Variants in SOD3 observed in about 807,000 individuals in gnomAD.
SOD3 encodes the protein superoxide dismutase 3, also known as extracellular superoxide dismutase [Cu-Zn].
Under a neutral mutation model 2.6 loss-of-function variants are expected in SOD3, and 3 were observed. The observed-to-expected ratio is 1.13, with a 90% CI of 0.52 to 2.93. The LOEUF (loss-of-function observed/expected upper bound fraction) is 2.93. Among genes scored for constraint, SOD3 ranks in the 30% most tolerant of loss-of-function variants. The pLI, the probability that SOD3 is intolerant of heterozygous loss-of-function variation, is 0.04. For missense variants in SOD3, 379 were observed against 370.4 expected, an observed-to-expected ratio of 1.02 and a Z score of -0.19; for synonymous variants, 188 against 177.5, an observed-to-expected ratio of 1.06 and a Z score of -0.47.
In SOD3 at chr4:24,800,087, G is replaced by A. The variant is rs564062771; in HGVS notation, c.566G>A (p.Arg189His). ...CACGCTGGCGAGGACGACCTGGGCC[G>A]CGGCGGCAACCAGGCCAGCGTGGAG... ...VVHAGEDDLG[R>H]GGNQASVENG... Residue 189 changes from arginine (R) to histidine (H), a missense_variant, in exon 2 of 2, where the codon CGC (arginine) becomes CAC (histidine). Coordinates refer to ENST00000382120, the MANE Select transcript of SOD3 (RefSeq NM_003102.4). 7.1e-7 allele frequency: 1 copy of A among 1,404,318 alleles called. No individual in the cohort carries two copies. Among genetic ancestry groups the A allele is most frequent in the Non-Finnish European group, 9.2e-7 (1 of 1,090,552 alleles). The allele number at this position is 1,404,318 out of a possible 1,614,324, so 87.0% of individuals were successfully genotyped here. A position where few individuals can be genotyped will look rare whatever the true frequency, so the allele number is the denominator to read the frequency against.
At position 24,799,878 on chromosome 4, in the gene SOD3, G is replaced by A; in HGVS notation, c.357G>A (p.Gly119=). 6.2e-7 allele frequency: 1 copy of A among 1,602,672 alleles called. No homozygotes were observed. The highest frequency in any genetic ancestry group is 1.3e-5 in the African/African-American group (1 of 74,830). The part of the protein sequence containing the change: ...SSRAIHVHQF[G]DLSQGCESTG... The stretch of plus-strand genomic sequence containing the variant: ...GCGCCATCCACGTGCACCAGTTCGG[G>A]GACCTGAGCCAGGGCTGCGAGTCCA... Residue 119 remains glycine (G), a synonymous_variant, in exon 2 of 2, where the codon GGG becomes GGA. Transcript: ENST00000382120.
rs1452920720 is a variant in SOD3 at position 24,800,175 on chromosome 4, G to A, written c.654G>A (p.Trp218Ter). Residue 218 changes from tryptophan (W) to a stop codon, truncating the protein, a stop_gained, in exon 2 of 2, where the codon TGG becomes TGA. Transcript: ENST00000382120. LOFTEE classifies it high-confidence loss of function. ...CVVGVCGPGL[W>*]ERQAREHSER... ...TGGGCGTGTGCGGGCCCGGGCTCTG[G>A]GAGCGCCAGGCGCGGGAGCACTCAG... The A allele has an allele frequency of 7.0e-7, 1 of 1,421,788 alleles. No homozygotes were observed. Among genetic ancestry groups the A allele is most frequent in the Non-Finnish European group, 9.1e-7 (1 of 1,095,802 alleles). The allele number at this position is 1,421,788 out of a possible 1,614,324, so 88.1% of individuals were successfully genotyped here. A position where few individuals can be genotyped will look rare whatever the true frequency, so the allele number is the denominator to read the frequency against.
chr4:24,796,435 C>CT (rs34368349), intron 1 of SOD3, among the ~76,000 whole-genome samples: 15,868 of 71,830 alleles, frequency 0.22, 5,388 homozygotes, highest in Middle Eastern at 0.35. Flanking sequence ...TCCTTCTTCT[C>CT]TTTTTTTTTT....
In SOD3 at chr4:24,800,474, C is replaced by T. The variant is rs529568731; in HGVS notation, c.*230C>T. The T allele has an allele frequency of 2.1e-4, 85 of 396,472 alleles. No individual in the cohort carries two copies. The highest frequency in any genetic ancestry group is 1.6e-3 in the African/African-American group (75 of 47,766). The allele number at this position is 396,472 out of a possible 1,614,324, so 24.6% of individuals were successfully genotyped here. ...CCCCCCACTCAGTAGGTCTGAAGGC[C>T]TCCATTTGTACCGAAACACCCCGCT... On this transcript the variant is annotated 3_prime_UTR_variant, in exon 2 of 2. Transcript: ENST00000382120.
rs17882667 is a variant in SOD3 at position 24,799,530 on chromosome 4, G to T, written c.9G>T (p.Ala3=). ...GGTGCCCGACTCCAGCCATGCTGGCGCTACTGTGTTCCTGCCTGCTCCTGG... is the reference window on the plus strand; with the variant it reads ...GGTGCCCGACTCCAGCCATGCTGGCTCTACTGTGTTCCTGCCTGCTCCTGG... The part of the protein sequence containing the change: ML[A]LLCSCLLLAA... Residue 3 remains alanine (A), a synonymous_variant, in exon 2 of 2, where the codon GCG becomes GCT. Coordinates refer to ENST00000382120, the MANE Select transcript of SOD3 (RefSeq NM_003102.4). 1 of 1,599,412 alleles carries T rather than the reference G, an allele frequency of 6.3e-7. No individual in the cohort carries two copies. Among genetic ancestry groups the T allele is most frequent in the African/African-American group, 1.3e-5 (1 of 75,000 alleles).
rs1286824530 is a variant in SOD3, at chr4:24,800,022, C to T, written c.501C>T (p.Leu167=). 1 of 1,533,918 alleles carries T rather than the reference C, an allele frequency of 6.5e-7. No homozygotes were observed. The highest frequency in any genetic ancestry group is 2.5e-5 in the East Asian group (1 of 40,214). The change falls in exon 2 of 2, where the codon CTC becomes CTT. Residue 167 remains leucine, a synonymous_variant. Transcript: ENST00000382120. ...ACCGCGCCGGCCTGGCCGCCTCGCT[C>T]GCGGGCCCGCACTCCATCGTGGGCC... ...WRYRAGLAAS[L]AGPHSIVGRA...
Position 24,799,885 on chromosome 4 carries a change from A to C in SOD3, c.364A>C (p.Ser122Arg). Residue 122 changes from serine to arginine, a missense_variant, in exon 2 of 2, where the codon AGC (serine) becomes CGC (arginine). Physicochemically the swap from Ser to Arg is moderately radical, Grantham distance 110. Transcript: ENST00000382120. The part of the protein sequence containing the change: ...AIHVHQFGDL[S>R]QGCESTGPHY... ...CCACGTGCACCAGTTCGGGGACCTGAGCCAGGGCTGCGAGTCCACCGGGCC... is the reference window on the plus strand; with the variant it reads ...CCACGTGCACCAGTTCGGGGACCTGCGCCAGGGCTGCGAGTCCACCGGGCC... 2 of 1,602,250 alleles carry C rather than the reference A, an allele frequency of 1.2e-6. No homozygotes were observed. The highest frequency in any genetic ancestry group is 1.7e-6 in the Non-Finnish European group (2 of 1,179,086).
intron 1 of SOD3, among the ~76,000 whole-genome samples, chr4:24,797,126 G>T (rs1239695646): frequency 6.6e-6 from 1 of 151,970 alleles, no homozygotes; most frequent in Non-Finnish European, 1.5e-5. Flanking sequence ...TCCTCTCACA[G>T]TGTCCATAGC....
chr4:24,798,029 G>A (rs1249968777), intron 1 of SOD3, among the ~76,000 whole-genome samples: 1 of 152,108 alleles, frequency 6.6e-6, no homozygotes, highest in Non-Finnish European at 1.5e-5. Flanking sequence ...TGATAGAGGT[G>A]TCTTCTTTCT....
chr4:24,799,148 A>G (rs915929772), intron 1 of SOD3, among the ~76,000 whole-genome samples: 1 of 152,056 alleles, frequency 6.6e-6, no homozygotes, highest in Non-Finnish European at 1.5e-5. Flanking sequence ...GTAACAGGAG[A>G]CCAGGTGGGG....
In SOD3 at chr4:24,799,834, G is replaced by C. The variant is rs377252928; in HGVS notation, c.313G>C (p.Glu105Gln). The C allele has an allele frequency of 1.7e-5, 28 of 1,601,178 alleles. No homozygotes were observed. The African/African-American group carries it at 2.9e-4, about 17-fold the overall frequency. Residue 105 changes from glutamate to glutamine, a missense_variant, in exon 2 of 2, where the codon GAG becomes CAG. Physicochemically the swap from Glu to Gln is conservative, Grantham distance 29. Coordinates refer to ENST00000382120, the MANE Select transcript of SOD3 (RefSeq NM_003102.4). ...CTTCGCCCTGGAGGGCTTCCCGACC[G>C]AGCCGAACAGCTCCAGCCGCGCCAT... Reference protein sequence around the residue: ...AFFALEGFPTEPNSSSRAIHV... With the variant: ...AFFALEGFPTQPNSSSRAIHV...
At chr4:24,797,783 G>T (rs1713714743) in intron 1 of SOD3, among the ~76,000 whole-genome samples, 1 of 152,232 alleles carries the variant, frequency 6.6e-6, no homozygotes, top group South Asian at 2.1e-4. Flanking sequence ...CAATCTTGGA[G>T]TTTTTTAAAT....
At chr4:24,798,690 C>T (rs141649873) in intron 1 of SOD3, among the ~76,000 whole-genome samples, 5 of 152,302 alleles carry the variant, frequency 3.3e-5, no homozygotes, top group African/African-American at 1.2e-4. Flanking sequence ...AAAACTTCCA[C>T]TGCACTGCCT....
chr4:24,799,410 T>TGG, intron 1 of SOD3, 96 bp from the exon 2 acceptor site: 1 of 1,419,730 alleles, frequency 7.0e-7, no homozygotes, highest in Non-Finnish European at 9.4e-7. Context: ...CACTGGGGAC[T>TGG]GGGGGGTTGG....
chr4:24,800,270 AG>A lies in SOD3; in HGVS notation c.*29del, dbSNP rs1162865385. 1.5e-6 allele frequency: 2 copies of A among 1,378,200 alleles called. No individual in the cohort carries two copies. The allele number at this position is 1,378,200 out of a possible 1,614,324, so 85.4% of individuals were successfully genotyped here. A position where few individuals can be genotyped will look rare whatever the true frequency, so the allele number is the denominator to read the frequency against. Reference sequence around the variant, plus strand: ...GCGCGGCCCCCACCCGGCGGCGGCCAGGGACCCCCGAGGCCCCCCTCTGCCT... The same window carrying A: ...GCGCGGCCCCCACCCGGCGGCGGCCAGGACCCCCGAGGCCCCCCTCTGCCT... On this transcript the variant is annotated 3_prime_UTR_variant, in exon 2 of 2. Coordinates refer to ENST00000382120, the MANE Select transcript of SOD3 (RefSeq NM_003102.4).
In SOD3 at chr4:24,800,158, T is replaced by G; in HGVS notation, c.637T>G (p.Cys213Gly). The change falls in exon 2 of 2, where the codon TGC (cysteine) becomes GGC (glycine). Residue 213 changes from cysteine to glycine, a missense_variant. Physicochemically the swap from Cys to Gly is radical, Grantham distance 159. Coordinates refer to ENST00000382120, the MANE Select transcript of SOD3 (RefSeq NM_003102.4). The part of the protein sequence containing the change: ...RRLACCVVGV[C>G]GPGLWERQAR... ...GCTGGCCTGCTGCGTGGTGGGCGTG[T>G]GCGGGCCCGGGCTCTGGGAGCGCCA... 1.4e-6 allele frequency: 2 copies of G among 1,396,650 alleles called. No individual in the cohort carries two copies. Among genetic ancestry groups the G allele is most frequent in the Non-Finnish European group, 9.2e-7 (1 of 1,085,530 alleles). 86.5% of individuals were successfully genotyped at this position (1,396,650 alleles called of 1,614,324 possible).
In SOD3 at chr4:24,799,725, G is replaced by A; in HGVS notation, c.204G>A (p.Ser68=). The change falls in exon 2 of 2, where the codon TCG becomes TCA. Residue 68 remains serine, a synonymous_variant. Transcript: ENST00000382120. Reference sequence around the variant, plus strand: ...ACGCCGCCTGCCAGGTGCAGCCGTCGGCCACGCTGGACGCCGCGCAGCCCC... The same window carrying A: ...ACGCCGCCTGCCAGGTGCAGCCGTCAGCCACGCTGGACGCCGCGCAGCCCC... ...ALHAACQVQP[S]ATLDAAQPRV... 6.4e-7 allele frequency: 1 copy of A among 1,565,462 alleles called. No individual in the cohort carries two copies. The highest frequency in any genetic ancestry group is 8.6e-7 in the Non-Finnish European group (1 of 1,160,856).
rs540679873 is a variant in SOD3, at chr4:24,800,547, C to T, written c.*303C>T. 1.5e-5 allele frequency: 4 copies of T among 275,190 alleles called. No individual in the cohort carries two copies. Among genetic ancestry groups the T allele is most frequent in the African/African-American group, 6.6e-5 (3 of 45,158 alleles). The allele number at this position is 275,190 out of a possible 1,614,324, so 17.0% of individuals were successfully genotyped here. On this transcript the variant is annotated 3_prime_UTR_variant, in exon 2 of 2. Transcript: ENST00000382120. ...CCCTGAGGTACCTTTCCACCCAGAC[C>T]CTCCTTCCCCACCCCATAAGCCCTG...
rs968426978 is a variant in SOD3 at position 24,799,690 on chromosome 4, G to T, written c.169G>T (p.Gly57Cys). 7.6e-6 allele frequency: 12 copies of T among 1,585,724 alleles called. No individual in the cohort carries two copies. The highest frequency in any genetic ancestry group is 1.7e-4 in the Middle Eastern group (1 of 6,058). Residue 57 changes from glycine (G) to cysteine (C), a missense_variant, in exon 2 of 2, where the codon GGC (glycine) becomes TGC (cysteine). Gly to Cys is a radical substitution (Grantham distance 159). Transcript: ENST00000382120. ...GGTCATGCAGCGGCGGGACGACGAC[G>T]GCGCGCTCCACGCCGCCTGCCAGGT... ...QEVMQRRDDD[G>C]ALHAACQVQP...
Sources: allele counts gnomAD v4.1 joint callset (sites outside exome capture counted in the v4.1 genomes callset), GRCh38; gene constraint gnomAD v4.1.1; transcripts MANE v1.5; gene names NCBI Gene and HGNC (gene_info 2026-07-23, HGNC 2026-07-21).